Variants in STARD13 observed in about 807,000 individuals in gnomAD.
STARD13 encodes the protein stAR-related lipid transfer protein 13.
A neutral mutation model predicts 106.4 loss-of-function variants in STARD13; 62 were observed. The ratio of observed to expected loss-of-function variants is 0.58; its 90% CI spans 0.48 to 0.72. The LOEUF (loss-of-function observed/expected upper bound fraction) is 0.72. STARD13 is among the 30% of genes least tolerant of loss of function. The pLI is 0.00. For missense variants in STARD13, 1,387 were observed against 1,424.0 expected (o/e 0.97, Z 0.42); for synonymous variants, 565 against 553.0 (o/e 1.02, Z -0.31).
At chr13:33,177,814 AAGG>A (rs1566052139) in intron 1 of STARD13, among the ~76,000 whole-genome samples, 4 of 23,914 alleles carry the variant, frequency 1.7e-4, no homozygotes, top group African/African-American at 9.0e-4. Context: ...GGAAGGAAGG[AAGG>A]AAGGAAGGAA....
chr13:33,226,796 G>C (rs961163962), intron 1 of STARD13, among the ~76,000 whole-genome samples: 2 of 152,120 alleles, frequency 1.3e-5, no homozygotes, highest in African/African-American at 4.8e-5. Context: ...GACAATAAAT[G>C]AAAATGTAAT....
At chr13:33,467,886 A>G in the STARD13 span, among the ~76,000 whole-genome samples, 1 of 152,232 alleles carries the variant, frequency 6.6e-6, no homozygotes, top group African/African-American at 2.4e-5. Context: ...AAAGAACAGA[A>G]GATTGCTGTC....
the STARD13 span, among the ~76,000 whole-genome samples, chr13:33,430,723 A>G: frequency 1.3e-5 from 2 of 152,254 alleles, no homozygotes; most frequent in Non-Finnish European, 1.5e-5. Context: ...TATATACACC[A>G]TGGAATATTA....
chr13:33,249,895 T>C (rs578122907), intron 1 of STARD13, among the ~76,000 whole-genome samples: 1 of 152,256 alleles, frequency 6.6e-6, no homozygotes, highest in Admixed American at 6.5e-5. Context: ...GATTAAACAA[T>C]AGTCCCACCT....
At chr13:33,408,119 C>T in the STARD13 span, among the ~76,000 whole-genome samples, 8 of 151,988 alleles carry the variant, frequency 5.3e-5, no homozygotes, top group Admixed American at 5.2e-4. Flanking sequence ...GCAGGTGAAT[C>T]CGTGTGATAG....
the STARD13 span, among the ~76,000 whole-genome samples, chr13:33,360,010 T>A: frequency 6.6e-6 from 1 of 152,242 alleles, no homozygotes; most frequent in African/African-American, 2.4e-5. Flanking sequence ...AACTGGTCTC[T>A]GATTCTTTCA....
chr13:33,285,347 A>G, intron 1 of STARD13, 123 bp downstream of exon 1: 1 of 1,024,392 alleles, frequency 9.8e-7, no homozygotes, highest in Non-Finnish European at 1.4e-6. Context: ...AGTTACGGGT[A>G]GTGTGGCATA....
intron 3 of STARD13, 69 bp from the exon 4 acceptor site, chr13:33,142,442 T>C: frequency 7.3e-7 from 1 of 1,376,958 alleles, no homozygotes; most frequent in East Asian, 2.3e-5. Context: ...TTGATAATCC[T>C]CCTTTATTTC....
chr13:33,408,455 A>C, the STARD13 span, among the ~76,000 whole-genome samples: 1 of 151,928 alleles, frequency 6.6e-6, no homozygotes, highest in Non-Finnish European at 1.5e-5. Flanking sequence ...AATCTCCTCA[A>C]GGATCATCCA....
chr13:33,395,368 T>C, the STARD13 span, among the ~76,000 whole-genome samples: 4 of 152,216 alleles, frequency 2.6e-5, no homozygotes, highest in Non-Finnish European at 5.9e-5. Context: ...AAGACCTTTG[T>C]ACCAGCTTAA....
chr13:33,181,237 G>C (rs1885197717), intron 1 of STARD13, among the ~76,000 whole-genome samples: 1 of 149,566 alleles, frequency 6.7e-6, no homozygotes, highest in African/African-American at 2.5e-5. Flanking sequence ...TGGAGACATA[G>C]ATATTCTATC....
the STARD13 span, among the ~76,000 whole-genome samples, chr13:33,622,933 G>GA: frequency 0.11 from 16,162 of 141,462 alleles, 2,363 homozygotes; most frequent in African/African-American, 0.35. Context: ...AAAAAAAAAA[G>GA]AAAGAAAATG....
At chr13:33,516,787 C>T in the STARD13 span, among the ~76,000 whole-genome samples, 1 of 151,616 alleles carries the variant, frequency 6.6e-6, no homozygotes, top group Non-Finnish European at 1.5e-5. Context: ...AAGAAAGTTA[C>T]ATATCAGGCC....
chr13:33,599,402 T>C, the STARD13 span, among the ~76,000 whole-genome samples: 1 of 152,332 alleles, frequency 6.6e-6, no homozygotes, highest in East Asian at 1.9e-4. Context: ...TTTACCCTTT[T>C]ATTTCTTTTG....
At chr13:33,498,896 C>T in the STARD13 span, among the ~76,000 whole-genome samples, 6 of 152,148 alleles carry the variant, frequency 3.9e-5, no homozygotes, top group South Asian at 8.3e-4. Context: ...GCAGCACTTT[C>T]GGAGGCCGAG....
the STARD13 span, among the ~76,000 whole-genome samples, chr13:33,597,874 A>G: frequency 6.6e-6 from 1 of 152,012 alleles, no homozygotes; most frequent in South Asian, 2.1e-4. Flanking sequence ...AAAAGATTGC[A>G]CTTTTGTCTT....
At chr13:33,522,517 A>G in the STARD13 span, among the ~76,000 whole-genome samples, 4 of 152,104 alleles carry the variant, frequency 2.6e-5, no homozygotes, top group Non-Finnish European at 5.9e-5. Context: ...CATTCCCCCA[A>G]AAATCTTCCA....
chr13:33,129,510 G>T lies in STARD13; in HGVS notation c.1167C>A (p.Ser389=), dbSNP rs889358926. ...GDQSRMHEFH[S]QENLVVHIPK... is the part of the protein sequence containing the mutation. The stretch of plus-strand genomic sequence containing the variant: ...GAATATGCACCACCAAATTCTCTTG[G>T]GAGTGAAATTCATGCATACGGCTTT... The change falls in exon 5 of 14, where the codon TCC becomes TCA. Residue 389 remains serine, a synonymous_variant. Coordinates refer to ENST00000336934, the MANE Select transcript of STARD13 (RefSeq NM_178006.4). 4.3e-6 allele frequency: 7 copies of T among 1,614,040 alleles called. No individual in the cohort carries two copies. The highest frequency in any genetic ancestry group is 5.9e-6 in the Non-Finnish European group (7 of 1,180,038).
the STARD13 span, among the ~76,000 whole-genome samples, chr13:33,572,253 A>G: frequency 6.6e-6 from 1 of 152,278 alleles, no homozygotes; most frequent in Non-Finnish European, 1.5e-5. Context: ...TTCTCTGTAC[A>G]TTGTGAATTA....
Sources: gnomAD v4.1 joint callset for allele counts (sites outside exome capture counted in the v4.1 genomes callset) on GRCh38, gnomAD v4.1.1 for gene constraint, MANE v1.5 for transcripts, NCBI Gene and HGNC (gene_info 2026-07-23, HGNC 2026-07-21) for gene names.